Variants in SCARA5 observed in about 807,000 individuals in gnomAD.
SCARA5 encodes scavenger receptor class A member 5.
Under a neutral mutation model 46.3 loss-of-function variants are expected in SCARA5, and 45 were observed. The observed-to-expected ratio is 0.97, with a 90% CI of 0.76 to 1.24. The LOEUF is 1.24. Among genes scored for constraint, SCARA5 ranks in the 50% most tolerant of loss-of-function variants. SCARA5 has a pLI of 0.00. For missense variants in SCARA5, 680 were observed against 689.0 expected (o/e 0.99, Z 0.15); for synonymous variants, 333 against 306.5 (o/e 1.09, Z -0.90).
At chr8:27,986,664 T>C (rs1808710114) in intron 2 of SCARA5, among the ~76,000 whole-genome samples, 1 of 152,050 alleles carries the variant, frequency 6.6e-6, no homozygotes, top group Admixed American at 6.6e-5. Flanking sequence ...CAGCGCCTTG[T>C]GGGAGGAATG....
chr8:27,884,682 T>C (rs1806865962), intron 7 of SCARA5, among the ~76,000 whole-genome samples: 1 of 152,234 alleles, frequency 6.6e-6, no homozygotes. Flanking sequence ...TTAGCCTCTC[T>C]GTTCTGGCCA....
chr8:27,902,477 C>T (rs890416793), intron 7 of SCARA5, among the ~76,000 whole-genome samples: 35 of 152,228 alleles, frequency 2.3e-4, no homozygotes, highest in Non-Finnish European at 3.7e-4. Context: ...TCCTCCACAG[C>T]ATGGGGAACG....
At chr8:27,877,912 G>T (rs916136665) in intron 8 of SCARA5, among the ~76,000 whole-genome samples, 1 of 152,250 alleles carries the variant, frequency 6.6e-6, no homozygotes, top group Admixed American at 6.5e-5. Context: ...CCCTTATGGG[G>T]ATGAAGAGGA....
chr8:27,916,437 G>A (rs1807462432), intron 4 of SCARA5, among the ~76,000 whole-genome samples: 1 of 152,208 alleles, frequency 6.6e-6, no homozygotes, highest in African/African-American at 2.4e-5. Context: ...GGGTATGTGT[G>A]TTTATGTCTG....
chr8:27,896,911 G>A (rs1373764981), intron 7 of SCARA5, among the ~76,000 whole-genome samples: 1 of 152,152 alleles, frequency 6.6e-6, no homozygotes, highest in Non-Finnish European at 1.5e-5. Flanking sequence ...GACCAACATG[G>A]TGAAACCCTG....
At chr8:27,976,853 C>T (rs910781010) in intron 2 of SCARA5, among the ~76,000 whole-genome samples, 7 of 152,110 alleles carry the variant, frequency 4.6e-5, no homozygotes, top group Non-Finnish European at 4.4e-5. Flanking sequence ...GGGTGCTCCT[C>T]GAAAAACTCC....
At chr8:27,873,330 C>G (rs995575574) in intron 8 of SCARA5, among the ~76,000 whole-genome samples, 1 of 152,122 alleles carries the variant, frequency 6.6e-6, no homozygotes, top group Non-Finnish European at 1.5e-5. Flanking sequence ...TGTTATTTTT[C>G]TTACTAATAT....
intron 7 of SCARA5, among the ~76,000 whole-genome samples, chr8:27,898,102 G>A (rs770341787): frequency 1.3e-4 from 20 of 152,210 alleles, no homozygotes; most frequent in African/African-American, 3.1e-4. Flanking sequence ...TCCCTGACTC[G>A]CAGGCGCCTC....
intron 7 of SCARA5, among the ~76,000 whole-genome samples, chr8:27,880,924 C>T (rs1359508582): frequency 6.8e-6 from 1 of 146,144 alleles, no homozygotes; most frequent in African/African-American, 2.5e-5. Context: ...GATATACAAA[C>T]AGCCAGCAAA....
In SCARA5 at chr8:27,919,475, C is replaced by T. The variant is rs1414381898; in HGVS notation, c.916+2096G>A. Among the ~76,000 whole-genome samples the T allele has an allele frequency of 3.9e-5, 6 of 152,040 alleles. No individual in the cohort carries two copies. The East Asian group carries it at 7.7e-4, about 20-fold the overall frequency. On this transcript the variant is annotated intron_variant, in intron 4 of 8. Transcript: ENST00000354914. The stretch of plus-strand genomic sequence containing the variant: ...CGAGAACATCACATGTTTCTGGTTT[C>T]GTTTGAAACAGAGGCAGACCTTGTC...
intron 3 of SCARA5, among the ~76,000 whole-genome samples, chr8:27,964,234 GC>G (rs1284916264): frequency 6.6e-6 from 1 of 152,110 alleles, no homozygotes; most frequent in Non-Finnish European, 1.5e-5. Flanking sequence ...TCCCCCAGAG[GC>G]CAGCATGATT....
At chr8:27,890,212 C>G (rs4278114) in intron 7 of SCARA5, among the ~76,000 whole-genome samples, 21,291 of 152,200 alleles carry the variant, frequency 0.14, 1,635 homozygotes, top group East Asian at 0.21. Flanking sequence ...CTGAAGTTGA[C>G]AGAGAAGTCA....
chr8:27,889,528 C>A (rs4527830), intron 7 of SCARA5, among the ~76,000 whole-genome samples: 54,457 of 151,710 alleles, frequency 0.36, 10,370 homozygotes, highest in African/African-American at 0.46. Context: ...ACTTAGCCCT[C>A]GGGCCAGTTC....
chr8:27,917,600 C>T (rs2685325), intron 4 of SCARA5, among the ~76,000 whole-genome samples: 108,836 of 152,054 alleles, frequency 0.72, 40,330 homozygotes, highest in East Asian at 0.91. Context: ...GGCTTTACGG[C>T]CTGCCAGTTG....
intron 4 of SCARA5, among the ~76,000 whole-genome samples, chr8:27,911,049 C>T (rs1807365982): frequency 6.6e-6 from 1 of 152,182 alleles, no homozygotes. Context: ...GTTGCAGAAT[C>T]TTCTTGCCAG....
At chr8:27,974,175 G>A (rs1808487849) in intron 2 of SCARA5, among the ~76,000 whole-genome samples, 1 of 152,150 alleles carries the variant, frequency 6.6e-6, no homozygotes, top group Non-Finnish European at 1.5e-5. Flanking sequence ...CTCTCACAGT[G>A]CTTCGGGGGA....
intron 2 of SCARA5, among the ~76,000 whole-genome samples, chr8:27,968,348 C>T (rs1808400340): frequency 1.3e-5 from 2 of 152,228 alleles, no homozygotes; most frequent in Admixed American, 1.3e-4. Context: ...ACTATTCTCA[C>T]TCATCCTTAC....
At chr8:27,967,470 C>G (rs533384935) in intron 2 of SCARA5, among the ~76,000 whole-genome samples, 1 of 152,208 alleles carries the variant, frequency 6.6e-6, no homozygotes, top group African/African-American at 2.4e-5. Flanking sequence ...AGAAGGGATC[C>G]TCTCCCTGAT....
At chr8:27,885,128 AC>A (rs1479294522) in intron 7 of SCARA5, among the ~76,000 whole-genome samples, 1 of 151,930 alleles carries the variant, frequency 6.6e-6, no homozygotes, top group Non-Finnish European at 1.5e-5. Context: ...GGACAGGTGG[AC>A]AAGGGAGGGA....
Sources: allele counts gnomAD v4.1 joint callset (sites outside exome capture counted in the v4.1 genomes callset), GRCh38; gene constraint gnomAD v4.1.1; transcripts MANE v1.5; gene names NCBI Gene and HGNC (gene_info 2026-07-23, HGNC 2026-07-21).